The following ADAM12 variants were observed in gnomAD, a reference collection of about 807,000 sequenced individuals.
The protein encoded by ADAM12 is ADAM metallopeptidase domain 12.
In ADAM12, 70 loss-of-function variants were observed where a neutral mutation model predicts 106.4. The observed-to-expected ratio is 0.66, with a 90% CI of 0.54 to 0.80. The LOEUF is 0.80. Ranked by LOEUF, ADAM12 falls within the 30% of genes least tolerant of loss-of-function variation. The probability of loss-of-function intolerance (pLI) is 0.00; values close to 1 mark genes in which losing one functional copy is unlikely to be tolerated. For missense variants in ADAM12, 1,010 were observed against 1,171.9 expected, an observed-to-expected ratio of 0.86 and a Z score of 2.02; for synonymous variants, 420 against 433.5, an observed-to-expected ratio of 0.97 and a Z score of 0.39.
chr10:126,386,111 C>T (rs189006276), intron 1 of ADAM12, among the ~76,000 whole-genome samples: 1 of 152,146 alleles, frequency 6.6e-6, no homozygotes, highest in East Asian at 1.9e-4. Context: ...GGGATGACTT[C>T]CTGCATGTCA....
chr10:126,093,449 C>A (rs905914014), intron 11 of ADAM12, among the ~76,000 whole-genome samples: 1 of 152,314 alleles, frequency 6.6e-6, no homozygotes, highest in Non-Finnish European at 1.5e-5. Flanking sequence ...CCTCTAAGAT[C>A]TGGTAAGGTG....
At chr10:126,344,438 G>C (rs1242342146) in intron 1 of ADAM12, among the ~76,000 whole-genome samples, 1 of 152,202 alleles carries the variant, frequency 6.6e-6, no homozygotes, top group African/African-American at 2.4e-5. Context: ...TTGTAGTATA[G>C]TTTGAAGTCA....
chr10:126,053,554 T>A lies in ADAM12; in HGVS notation c.1610-3885A>T, dbSNP rs1481886348. Among the ~76,000 whole-genome samples the A allele has an allele frequency of 6.6e-6, 1 of 152,140 alleles. No individual in the cohort carries two copies. Among genetic ancestry groups the A allele is most frequent in the Non-Finnish European group, 1.5e-5 (1 of 68,004 alleles). Reference sequence around the variant, plus strand: ...ATATGTGAATTTTTACCAACACAGATGACACAGTCAAGCATCATCTTATAA... The same window carrying A: ...ATATGTGAATTTTTACCAACACAGAAGACACAGTCAAGCATCATCTTATAA... On this transcript the variant is annotated intron_variant, in intron 14 of 22. Coordinates refer to ENST00000448723, the MANE Select transcript of ADAM12 (RefSeq NM_001288973.2). This position sits in a 1 kb window ranked among gnomAD's most constrained non-coding sequence, Gnocchi z 4.6.
chr10:126,093,881 G>T, intron 11 of ADAM12, 104 bp downstream of exon 11: 1 of 1,521,742 alleles, frequency 6.6e-7, no homozygotes. Context: ...AAGCTTCCCT[G>T]GGTGCTCTGA....
intron 14 of ADAM12, among the ~76,000 whole-genome samples, chr10:126,055,148 A>T (rs1954601291): frequency 2.0e-5 from 3 of 152,166 alleles, no homozygotes. Flanking sequence ...AAGGATTTCA[A>T]CTTCCCTGCA....
intron 3 of ADAM12, among the ~76,000 whole-genome samples, chr10:126,277,812 T>C (rs1363007497): frequency 6.6e-6 from 1 of 152,182 alleles, no homozygotes; most frequent in East Asian, 1.9e-4. Flanking sequence ...AGAGGCAGGT[T>C]GCAGATCCCA....
At chr10:126,226,585 A>G (rs1464797564) in intron 3 of ADAM12, among the ~76,000 whole-genome samples, 1 of 152,310 alleles carries the variant, frequency 6.6e-6, no homozygotes, top group East Asian at 1.9e-4. Context: ...CTTAGGCAAG[A>G]CTTAGTTTTT....
intron 1 of ADAM12, among the ~76,000 whole-genome samples, chr10:126,378,785 C>A (rs1244599110): frequency 6.6e-6 from 1 of 152,130 alleles, no homozygotes; most frequent in African/African-American, 2.4e-5. Flanking sequence ...ATTCTATGTC[C>A]ATTTTTCAAC....
Position 126,109,857 on chromosome 10 carries a change from T to A in ADAM12, c.604-17A>T. 6.2e-7 allele frequency: 1 copy of A among 1,610,966 alleles called. No individual in the cohort carries two copies. Among genetic ancestry groups the A allele is most frequent in the Non-Finnish European group, 8.5e-7 (1 of 1,178,654 alleles). On this transcript the variant is annotated splice_polypyrimidine_tract_variant and intron_variant, in intron 6 of 22. Coordinates refer to ENST00000448723, the MANE Select transcript of ADAM12 (RefSeq NM_001288973.2). ...TCTTTTATGCTGCCAAGAGTAAACA[T>A]GCACTTAATCTCTCTTAATGCCTCT...
chr10:126,336,519 G>T lies in ADAM12; in HGVS notation c.89-6010C>A, dbSNP rs534349812. Among the ~76,000 whole-genome samples the T allele has an allele frequency of 5.9e-5, 9 of 152,302 alleles. No homozygotes were observed. In the South Asian group the frequency reaches 6.2e-4, roughly 11 times the overall value. ...GACAAGGATTCCTAGAGTAGAAAAA[G>T]GCAGAGGATGTGAAAATAATTGATT... On this transcript the variant is annotated intron_variant, in intron 1 of 22. Transcript: ENST00000448723.
At chr10:126,306,718 A>AT (rs1379314880) in intron 2 of ADAM12, among the ~76,000 whole-genome samples, 2 of 152,110 alleles carry the variant, frequency 1.3e-5, no homozygotes, top group African/African-American at 4.8e-5. Flanking sequence ...GGCGGTTTCT[A>AT]TTGAAATGTC....
At chr10:126,372,468 C>G (rs1371179646) in intron 1 of ADAM12, among the ~76,000 whole-genome samples, 1 of 152,130 alleles carries the variant, frequency 6.6e-6, no homozygotes, top group Non-Finnish European at 1.5e-5. Context: ...ATAAAGAGGC[C>G]AAGCCAGAAC....
At chr10:126,073,957 T>G (rs900514756) in intron 11 of ADAM12, among the ~76,000 whole-genome samples, 1 of 152,230 alleles carries the variant, frequency 6.6e-6, no homozygotes, top group African/African-American at 2.4e-5. Context: ...CACAGGGACT[T>G]AAGAGCAGTT....
rs568209712 is a variant in ADAM12, at chr10:126,245,089, T to C, written c.260+33826A>G. On this transcript the variant is annotated intron_variant, in intron 3 of 22. Transcript: ENST00000448723. ...AAGGCTGGGGCATGACACAGAGATG[T>C]TGGAGTCACCTGAAGGCACCAGGAC... 2.6e-5 allele frequency among the ~76,000 whole-genome samples: 4 copies of C among 152,188 alleles called. No individual in the cohort carries two copies. In the South Asian group the frequency reaches 6.2e-4, roughly 24 times the overall value.
intron 1 of ADAM12, among the ~76,000 whole-genome samples, chr10:126,342,999 C>G (rs1297430219): frequency 1.3e-5 from 2 of 152,114 alleles, no homozygotes; most frequent in Non-Finnish European, 2.9e-5. Context: ...TCAGCAACGA[C>G]CAGGCACTGG....
chr10:126,295,011 A>G (rs187839031), intron 2 of ADAM12, among the ~76,000 whole-genome samples: 28 of 152,266 alleles, frequency 1.8e-4, no homozygotes, highest in African/African-American at 6.3e-4. Context: ...CTGTTACATG[A>G]TCATCAAGCT....
intron 9 of ADAM12, among the ~76,000 whole-genome samples, chr10:126,100,173 C>G (rs1315474911): frequency 6.6e-6 from 1 of 152,002 alleles, no homozygotes; most frequent in Non-Finnish European, 1.5e-5. Context: ...GTTCAAAGCC[C>G]CCCAAACACT....
intron 1 of ADAM12, among the ~76,000 whole-genome samples, chr10:126,345,098 TG>T (rs1855085767): frequency 6.6e-6 from 1 of 152,208 alleles, no homozygotes; most frequent in Non-Finnish European, 1.5e-5. Flanking sequence ...CCCTGTCTTG[TG>T]CCAGTTTTGA....
At chr10:126,123,668 G>A (rs772616523) in intron 5 of ADAM12, among the ~76,000 whole-genome samples, 5 of 152,196 alleles carry the variant, frequency 3.3e-5, no homozygotes, top group African/African-American at 9.6e-5. Flanking sequence ...TCCAAGGTGC[G>A]CAGGTGGCAG....
Sources: gnomAD v4.1 joint callset for allele counts (sites outside exome capture counted in the v4.1 genomes callset) on GRCh38, gnomAD v4.1.1 for gene constraint, Gnocchi (gnomAD v3.1) non-coding constraint, MANE v1.5 for transcripts, NCBI Gene and HGNC (gene_info 2026-07-23, HGNC 2026-07-21) for gene names.